DYNLL2: variants seen among roughly 807,000 people sequenced by gnomAD.
The protein encoded by DYNLL2 is dynein light chain 2, cytoplasmic.
Under a neutral mutation model 9.7 loss-of-function variants are expected in DYNLL2, and 1 was observed. The ratio of observed to expected loss-of-function variants is 0.10; its 90% CI spans 0.04 to 0.49. DYNLL2 has a LOEUF of 0.49. DYNLL2 is among the 20% of genes least tolerant of loss of function. DYNLL2 has a pLI of 0.95. For missense variants in DYNLL2, 37 were observed against 115.2 expected (o/e 0.32, Z 3.11); for synonymous variants, 35 against 40.5 (o/e 0.86, Z 0.52).
rs972940428 is a variant in DYNLL2 at position 58,093,322 on chromosome 17, T to C, written c.*4043T>C. On this transcript the variant is annotated 3_prime_UTR_variant, in exon 3 of 3. Transcript: ENST00000579991. The stretch of plus-strand genomic sequence containing the variant: ...ATTCAAGCAAGAGTGCCTGAGCCAC[T>C]CTTGCTTGGCAGTATGGGAGGATGA... 5 of 152,230 alleles carry C rather than the reference T, an allele frequency of 3.3e-5. No homozygotes were observed. The highest frequency in any genetic ancestry group is 7.2e-5 in the African/African-American group (3 of 41,462). 9.4% of individuals were successfully genotyped at this position (152,230 alleles called of 1,614,324 possible).
In DYNLL2 at chr17:58,091,897, C is replaced by A. The variant is rs1421314412; in HGVS notation, c.*2618C>A. 1 of 152,182 alleles carries A rather than the reference C, an allele frequency of 6.6e-6. No homozygotes were observed. Among genetic ancestry groups the A allele is most frequent in the Non-Finnish European group, 1.5e-5 (1 of 68,044 alleles). 9.4% of individuals were successfully genotyped at this position (152,182 alleles called of 1,614,324 possible). A position where few individuals can be genotyped will look rare whatever the true frequency, so the allele number is the denominator to read the frequency against. On this transcript the variant is annotated 3_prime_UTR_variant, in exon 3 of 3. Transcript: ENST00000579991. Reference sequence around the variant, plus strand: ...CTTTACTCAAAAATATTTAAGAGTTCTTGTATGCTTGGGCCTAGGATGCTG... The same window carrying A: ...CTTTACTCAAAAATATTTAAGAGTTATTGTATGCTTGGGCCTAGGATGCTG...
rs1374474464 is a variant in DYNLL2 at position 58,089,938 on chromosome 17, T to A, written c.*659T>A. The A allele has an allele frequency of 2.5e-6, 1 of 398,670 alleles. No homozygotes were observed. The highest frequency in any genetic ancestry group is 4.4e-6 in the Non-Finnish European group (1 of 226,172). 24.7% of individuals were successfully genotyped at this position (398,670 alleles called of 1,614,324 possible). ...TTTGTCTTGCTGTCTTTGTCAGAATTTCTAAGTAAGGGCTGTGTCTTTGTG... is the reference window on the plus strand; with the variant it reads ...TTTGTCTTGCTGTCTTTGTCAGAATATCTAAGTAAGGGCTGTGTCTTTGTG... On this transcript the variant is annotated 3_prime_UTR_variant, in exon 3 of 3. Transcript: ENST00000579991.
rs553706512 is a variant in DYNLL2, at chr17:58,092,748, T to C, written c.*3469T>C. ...TGACAATCTAAGGGAGGCAAATGGA[T>C]AATAACCAGCATGGTAGGGAATCTT... On this transcript the variant is annotated 3_prime_UTR_variant, in exon 3 of 3. Coordinates refer to ENST00000579991, the MANE Select transcript of DYNLL2 (RefSeq NM_080677.3). 31 of 152,406 alleles carry C rather than the reference T, an allele frequency of 2.0e-4. No individual in the cohort carries two copies. Among genetic ancestry groups the C allele is most frequent in the African/African-American group, 7.5e-4 (31 of 41,558 alleles). The allele number at this position is 152,406 out of a possible 1,614,324, so 9.4% of individuals were successfully genotyped here. A position where few individuals can be genotyped will look rare whatever the true frequency, so the allele number is the denominator to read the frequency against.
At chr17:58,085,721 G>A (rs2075757661) in intron 1 of DYNLL2, among the ~76,000 whole-genome samples, 1 of 152,184 alleles carries the variant, frequency 6.6e-6, no homozygotes, top group African/African-American at 2.4e-5. Context: ...GGCCTTGATA[G>A]CAGGGATATG....
In DYNLL2 at chr17:58,090,473, CTT is replaced by C. The variant is rs1236455668; in HGVS notation, c.*1196_*1197del. ...TCTGGCTGTCTGCTCCCTGGGAAGG[CTT>C]TAGGAGGACCACCCAGGACAGGATG... is the stretch of plus-strand genomic sequence containing the variant. On this transcript the variant is annotated 3_prime_UTR_variant, in exon 3 of 3. Transcript: ENST00000579991. 1 of 152,106 alleles carries C rather than the reference CTT, an allele frequency of 6.6e-6. No individual in the cohort carries two copies. Among genetic ancestry groups the C allele is most frequent in the Middle Eastern group, 3.1e-3 (1 of 318 alleles). 9.4% of individuals were successfully genotyped at this position (152,106 alleles called of 1,614,324 possible). A position where few individuals can be genotyped will look rare whatever the true frequency, so the allele number is the denominator to read the frequency against.
At position 58,092,647 on chromosome 17, in the gene DYNLL2, A is replaced by T. The variant is rs1337916992; in HGVS notation, c.*3368A>T. Reference sequence around the variant, plus strand: ...ACTGAACCCAACCAAATGGCAGATGACAAGGCAGACCCAGGATGCAGTCTG... The same window carrying T: ...ACTGAACCCAACCAAATGGCAGATGTCAAGGCAGACCCAGGATGCAGTCTG... On this transcript the variant is annotated 3_prime_UTR_variant, in exon 3 of 3. Transcript: ENST00000579991. 1 of 152,208 alleles carries T rather than the reference A, an allele frequency of 6.6e-6. No individual in the cohort carries two copies. Among genetic ancestry groups the T allele is most frequent in the Non-Finnish European group, 1.5e-5 (1 of 68,068 alleles). 9.4% of individuals were successfully genotyped at this position (152,208 alleles called of 1,614,324 possible). A position where few individuals can be genotyped will look rare whatever the true frequency, so the allele number is the denominator to read the frequency against.
chr17:58,087,886 C>T (rs1411678307), intron 2 of DYNLL2, among the ~76,000 whole-genome samples: 1 of 152,150 alleles, frequency 6.6e-6, no homozygotes, highest in African/African-American at 2.4e-5. Flanking sequence ...ACTGGGACCC[C>T]CTGATTCCCA....
rs73995448 is a variant in DYNLL2, at chr17:58,092,851, C to T, written c.*3572C>T. The T allele has an allele frequency of 0.063, 9,575 of 152,170 alleles. 424 individuals carry two copies. The highest frequency in any genetic ancestry group is 0.12 in the African/African-American group (4,773 of 41,444). The allele number at this position is 152,170 out of a possible 1,614,324, so 9.4% of individuals were successfully genotyped here. ...AGACTAGATTTAAGGTGTGGTTCCC[C>T]GCTAAATTATTCTCTCACCTCCTTT... On this transcript the variant is annotated 3_prime_UTR_variant, in exon 3 of 3. Transcript: ENST00000579991.
Position 58,089,256 on chromosome 17 carries a change from ATCC to A in DYNLL2, c.253_255del (p.Leu85del). The A allele has an allele frequency of 6.2e-7, 1 of 1,614,108 alleles. No individual in the cohort carries two copies. Among genetic ancestry groups the A allele is most frequent in the African/African-American group, 1.3e-5 (1 of 75,034 alleles). On this transcript the variant is annotated inframe_deletion, in exon 3 of 3. Coordinates refer to ENST00000579991, the MANE Select transcript of DYNLL2 (RefSeq NM_080677.3). ...CTATTTTTACTTGGGTCAAGTTGCA[ATCC>A]TCCTCTTCAAGTCAGGCTAGGTGGC... is the stretch of plus-strand genomic sequence containing the variant.
At position 58,089,334 on chromosome 17, in the gene DYNLL2, T is replaced by G; in HGVS notation, c.*55T>G. On this transcript the variant is annotated 3_prime_UTR_variant, in exon 3 of 3. Coordinates refer to ENST00000579991, the MANE Select transcript of DYNLL2 (RefSeq NM_080677.3). Reference sequence around the variant, plus strand: ...GGCAGCGATGGCAAGCAGGCGGCGTTGCTGGGACTGTTTTGCACTGGAGCC... The same window carrying G: ...GGCAGCGATGGCAAGCAGGCGGCGTGGCTGGGACTGTTTTGCACTGGAGCC... 1.9e-6 allele frequency: 3 copies of G among 1,600,280 alleles called. No homozygotes were observed. The Admixed American group carries it at 5.2e-5, about 27-fold the overall frequency.
chr17:58,085,309 A>C (rs921861735), intron 1 of DYNLL2, among the ~76,000 whole-genome samples: 11 of 152,184 alleles, frequency 7.2e-5, no homozygotes, highest in Non-Finnish European at 1.3e-4. Flanking sequence ...CATGTGGTGC[A>C]GGCTGAAATG....
chr17:58,086,159 G>T (rs937312008), intron 1 of DYNLL2, among the ~76,000 whole-genome samples: 2 of 152,162 alleles, frequency 1.3e-5, no homozygotes, highest in African/African-American at 4.8e-5. Context: ...TCTCAGCCTG[G>T]AGTACTTGAG....
At chr17:58,084,350 C>T (rs1379903328) in intron 1 of DYNLL2, among the ~76,000 whole-genome samples, 1 of 152,026 alleles carries the variant, frequency 6.6e-6, no homozygotes, top group Non-Finnish European at 1.5e-5. Context: ...GATGGTGGTC[C>T]GTGTCATTCG....
Position 58,087,208 on chromosome 17 carries a change from GC to G in DYNLL2, c.120del (p.Tyr41IlefsTer54). 6.2e-7 allele frequency: 1 copy of G among 1,614,124 alleles called. No homozygotes were observed. Among genetic ancestry groups the G allele is most frequent in the Non-Finnish European group, 8.5e-7 (1 of 1,179,982 alleles). ...EKYNIEKDIA[A>X]YIKKEFDKKY... ...GTACAATATAGAGAAGGACATTGCT[GC>G]CTATATCAAGAAGGTGTGCTGGGAG... On this transcript the variant is annotated frameshift_variant, in exon 2 of 3. Transcript: ENST00000579991. LOFTEE classifies it high-confidence loss of function.
intron 1 of DYNLL2, among the ~76,000 whole-genome samples, chr17:58,084,253 G>C (rs1359185618): frequency 6.6e-6 from 1 of 152,158 alleles, no homozygotes. Context: ...GGACCGCAGC[G>C]CTCTGGAGGA....
chr17:58,095,421 C>T lies in DYNLL2; in HGVS notation c.*6142C>T, dbSNP rs1325927153. ...AAGGCACAAAAAGCAAAAATTCTCC[C>T]TCCCACCTCTGTCTTCCAGCTACGG... On this transcript the variant is annotated 3_prime_UTR_variant, in exon 3 of 3. Coordinates refer to ENST00000579991, the MANE Select transcript of DYNLL2 (RefSeq NM_080677.3). 3 of 152,208 alleles carry T rather than the reference C, an allele frequency of 2.0e-5. No homozygotes were observed. Among genetic ancestry groups the T allele is most frequent in the Non-Finnish European group, 4.4e-5 (3 of 68,034 alleles). 9.4% of individuals were successfully genotyped at this position (152,208 alleles called of 1,614,324 possible).
Position 58,083,464 on chromosome 17 carries a change from C to CGGGG in DYNLL2, c.-226_-225insGGGG. 1 of 41,158 alleles carries CGGGG rather than the reference C, an allele frequency of 2.4e-5. No homozygotes were observed. Among genetic ancestry groups the CGGGG allele is most frequent in the Middle Eastern group, 9.1e-3 (1 of 110 alleles). The allele number at this position is 41,158 out of a possible 1,614,324, so 2.5% of individuals were successfully genotyped here. A position where few individuals can be genotyped will look rare whatever the true frequency, so the allele number is the denominator to read the frequency against. Reference sequence around the variant, plus strand: ...CTGTGAGGCGCCAGTGCGGAGCGGGCGGGCGGGCGGGCGGCGTGAGGCGGA... The same window carrying CGGGG: ...CTGTGAGGCGCCAGTGCGGAGCGGGCGGGGGGGCGGGCGGGCGGCGTGAGGCGGA... On this transcript the variant is annotated 5_prime_UTR_variant, in exon 1 of 3. Coordinates refer to ENST00000579991, the MANE Select transcript of DYNLL2 (RefSeq NM_080677.3).
chr17:58,083,699 G>GGGCGTCCCCCGGGT lies in DYNLL2; in HGVS notation c.-10+21_-10+34dup. 1 of 152,500 alleles carries GGGCGTCCCCCGGGT rather than the reference G, an allele frequency of 6.6e-6. No homozygotes were observed. Among genetic ancestry groups the GGGCGTCCCCCGGGT allele is most frequent in the Non-Finnish European group, 1.5e-5 (1 of 68,418 alleles). The allele number at this position is 152,500 out of a possible 1,614,324, so 9.4% of individuals were successfully genotyped here. A position where few individuals can be genotyped will look rare whatever the true frequency, so the allele number is the denominator to read the frequency against. ...CTCCGTGAAGGTGAGCGGTGGGTGG[G>GGGCGTCCCCCGGGT]GGCGTCCCCCGGGTGGCGGGCCTGT... On this transcript the variant is annotated intron_variant, in intron 1 of 2. Transcript: ENST00000579991.
At chr17:58,088,305 C>T (rs577224790) in intron 2 of DYNLL2, among the ~76,000 whole-genome samples, 11 of 152,172 alleles carry the variant, frequency 7.2e-5, no homozygotes, top group Non-Finnish European at 1.3e-4. Context: ...ACTCCTAGTA[C>T]TTGGAGAGTT....
Sources: gnomAD v4.1 joint callset for allele counts (sites outside exome capture counted in the v4.1 genomes callset) on GRCh38, gnomAD v4.1.1 for gene constraint, MANE v1.5 for transcripts, NCBI Gene and HGNC (gene_info 2026-07-23, HGNC 2026-07-21) for gene names.